ELF2: variants seen among roughly 807,000 people sequenced by gnomAD.
The protein encoded by ELF2 is E74 like ETS transcription factor 2.
ELF2 carries 11 observed loss-of-function variants against 54.8 expected under a neutral mutation model. The ratio of observed to expected loss-of-function variants is 0.20; its 90% confidence interval spans 0.13 to 0.33. The LOEUF (loss-of-function observed/expected upper bound fraction) is 0.33, where lower values mean the gene tolerates loss of function less well. Ranked by LOEUF, ELF2 falls within the 10% of genes least tolerant of loss-of-function variation. The probability of loss-of-function intolerance (pLI) is 1.00; values close to 1 mark genes in which losing one functional copy is unlikely to be tolerated. For missense variants in ELF2, 513 were observed against 703.0 expected (o/e 0.73, Z 3.06); for synonymous variants, 203 against 245.1 (o/e 0.83, Z 1.61).
intron 4 of ELF2, among the ~76,000 whole-genome samples, chr4:139,081,352 T>C (rs1247032753): frequency 6.6e-6 from 1 of 152,186 alleles, no homozygotes; most frequent in East Asian, 1.9e-4. Context: ...CAAAAGTATA[T>C]TCGAGCTTAA....
chr4:139,098,265 AT>A (rs556483335), intron 4 of ELF2, among the ~76,000 whole-genome samples: 2 of 152,238 alleles, frequency 1.3e-5, no homozygotes, highest in Non-Finnish European at 1.5e-5. Context: ...TTTCCTAAAA[AT>A]TTTTGTTTTA....
intron 4 of ELF2, among the ~76,000 whole-genome samples, chr4:139,113,067 T>C (rs558524734): frequency 1.3e-5 from 2 of 152,358 alleles, no homozygotes; most frequent in South Asian, 4.1e-4. Flanking sequence ...TCTAAAATCA[T>C]TCCTTTTCAT....
intron 4 of ELF2, among the ~76,000 whole-genome samples, chr4:139,093,372 G>A (rs1166956376): frequency 1.3e-5 from 2 of 152,110 alleles, no homozygotes; most frequent in Admixed American, 6.5e-5. Context: ...GCAAATTCTA[G>A]CAAATTTCAA....
intron 4 of ELF2, among the ~76,000 whole-genome samples, chr4:139,087,495 T>C (rs892588613): frequency 6.6e-6 from 1 of 152,224 alleles, no homozygotes; most frequent in Non-Finnish European, 1.5e-5. Context: ...AGACAGAGTC[T>C]CGCTCTGTTG....
At chr4:139,143,052 T>C (rs2148869945) in intron 1 of ELF2, among the ~76,000 whole-genome samples, 1 of 152,242 alleles carries the variant, frequency 6.6e-6, no homozygotes, top group Admixed American at 6.5e-5. Flanking sequence ...TCTAGACAAT[T>C]GCACTGGCAG....
At position 139,177,165 on chromosome 4, in the gene ELF2, A is replaced by AC. The variant is rs1231202860; in HGVS notation, c.-451dup. The AC allele has an allele frequency of 6.8e-6, 1 of 146,036 alleles. No homozygotes were observed. The highest frequency in any genetic ancestry group is 1.5e-5 in the Non-Finnish European group (1 of 66,374). The allele number at this position is 146,036 out of a possible 1,614,324, so 9.0% of individuals were successfully genotyped here. On this transcript the variant is annotated 5_prime_UTR_variant, in exon 1 of 10. Transcript: ENST00000686138. ...GACCCCCGCCCGCGCCGCCCCACCG[A>AC]CCCCCAACCGCCTAGGCGACGGCGG...
chr4:139,122,533 G>A (rs913128660), intron 4 of ELF2, among the ~76,000 whole-genome samples: 3 of 107,306 alleles, frequency 2.8e-5, no homozygotes, highest in African/African-American at 1.0e-4. Flanking sequence ...ACAGAGTCTC[G>A]CTATGTCCCC....
At chr4:139,084,214 T>A in intron 4 of ELF2, 1 of 1,612,652 alleles carries the variant, frequency 6.2e-7, no homozygotes, top group Non-Finnish European at 8.5e-7. Context: ...CTGGAGCTGC[T>A]GCTTCACATT....
chr4:139,148,250 T>A (rs1739453367), intron 1 of ELF2, among the ~76,000 whole-genome samples: 2 of 150,464 alleles, frequency 1.3e-5, no homozygotes, highest in African/African-American at 4.9e-5. Flanking sequence ...TGGGCTCAAG[T>A]GATCCTCCTA....
chr4:139,121,148 G>A (rs1343599554), intron 4 of ELF2, among the ~76,000 whole-genome samples: 9 of 111,296 alleles, frequency 8.1e-5, no homozygotes, highest in African/African-American at 2.5e-4. Context: ...TTGCTCTGTC[G>A]CCCAGGCTGG....
chr4:139,161,361 A>G (rs1055062259), intron 1 of ELF2, among the ~76,000 whole-genome samples: 2 of 152,208 alleles, frequency 1.3e-5, no homozygotes, highest in South Asian at 2.1e-4. Flanking sequence ...TAAATGTTTT[A>G]GGGTGTCATG....
intron 4 of ELF2, among the ~76,000 whole-genome samples, chr4:139,092,414 T>TAACATAACTAACATAACATAACATA (rs70940488): frequency 1.1e-5 from 1 of 87,762 alleles, no homozygotes; most frequent in East Asian, 3.2e-4. Flanking sequence ...TAACATAACA[T>TAACATAACTAACATAACATAACATA]ACATAACATA....
At chr4:139,137,220 T>C (rs909705083) in intron 3 of ELF2, 4 of 161,702 alleles carry the variant, frequency 2.5e-5, no homozygotes, top group East Asian at 1.8e-4. Flanking sequence ...GATTTAGATA[T>C]AAAATAATCA....
chr4:139,144,493 T>G (rs565699523), intron 1 of ELF2, among the ~76,000 whole-genome samples: 133 of 152,342 alleles, frequency 8.7e-4, no homozygotes, highest in Non-Finnish European at 1.7e-3. Context: ...GGGGATGAAC[T>G]GCCTTGGCTG....
intron 4 of ELF2, among the ~76,000 whole-genome samples, chr4:139,084,764 A>T (rs561754074): frequency 6.6e-6 from 1 of 152,312 alleles, no homozygotes; most frequent in Non-Finnish European, 1.5e-5. Context: ...TGGCTATTTA[A>T]CTTCTTTTGG....
At chr4:139,126,474 C>A (rs773352426) in intron 3 of ELF2, among the ~76,000 whole-genome samples, 5 of 151,566 alleles carry the variant, frequency 3.3e-5, no homozygotes, top group African/African-American at 4.8e-5. Flanking sequence ...TTGAAAGGAC[C>A]CACCAAGTGT....
chr4:139,083,764 CACTT>C (rs1731527432), intron 4 of ELF2, among the ~76,000 whole-genome samples: 1 of 152,202 alleles, frequency 6.6e-6, no homozygotes, highest in South Asian at 2.1e-4. Flanking sequence ...CAGCCTCACT[CACTT>C]CCTGGTTCCT....
Position 139,139,446 on chromosome 4 carries a change from C to G in ELF2, c.-200G>C, listed in dbSNP as rs1738492280. ...TGTTAAGTAGTCTAAGCATCCTTCA[C>G]TATTTTCACAACTTGGGAAGAGCTA... On this transcript the variant is annotated 5_prime_UTR_variant, in exon 2 of 10. Transcript: ENST00000686138. 1 of 1,230,056 alleles carries G rather than the reference C, an allele frequency of 8.1e-7. No individual in the cohort carries two copies. The highest frequency in any genetic ancestry group is 1.0e-6 in the Non-Finnish European group (1 of 987,104). 76.2% of individuals were successfully genotyped at this position (1,230,056 alleles called of 1,614,324 possible). A position where few individuals can be genotyped will look rare whatever the true frequency, so the allele number is the denominator to read the frequency against.
At chr4:139,149,544 G>A (rs563298969) in intron 1 of ELF2, among the ~76,000 whole-genome samples, 4 of 152,146 alleles carry the variant, frequency 2.6e-5, no homozygotes, top group Non-Finnish European at 4.4e-5. Context: ...AATCCAGGAG[G>A]CAGAGGTTGC....
Sources: allele counts gnomAD v4.1 joint callset (sites outside exome capture counted in the v4.1 genomes callset), GRCh38; gene constraint gnomAD v4.1.1; transcripts MANE v1.5; gene names NCBI Gene and HGNC (gene_info 2026-07-23, HGNC 2026-07-21).